Variants in KIZ observed in about 807,000 individuals in gnomAD.
KIZ encodes kizuna centrosomal protein.
A neutral mutation model predicts 79.6 loss-of-function variants in KIZ; 68 were observed. The ratio of observed to expected loss-of-function variants is 0.85; its 90% CI spans 0.70 to 1.05. The LOEUF is 1.05. Ranked by LOEUF, KIZ falls within the 50% of genes least tolerant of loss-of-function variation. The pLI is 0.00. For synonymous variants in KIZ, 280 were observed against 281.8 expected, an observed-to-expected ratio of 0.99 and a Z score of 0.06; for missense variants, 797 against 800.4, an observed-to-expected ratio of 1.00 and a Z score of 0.05.
chr20:21,170,493 A>G (rs896769562), intron 6 of KIZ, among the ~76,000 whole-genome samples: 3 of 150,004 alleles, frequency 2.0e-5, no homozygotes, highest in Non-Finnish European at 4.4e-5. Flanking sequence ...GGTTCACGCC[A>G]TTCTCCTGCC....
chr20:21,227,710 C>T (rs2036702065), intron 9 of KIZ, among the ~76,000 whole-genome samples: 1 of 152,104 alleles, frequency 6.6e-6, no homozygotes, highest in Non-Finnish European at 1.5e-5. Flanking sequence ...CCCATTGGAG[C>T]CATCCTAGGA....
intron 4 of KIZ, 73 bp from the exon 5 acceptor site, chr20:21,161,798 T>TG (rs2033670390): frequency 1.2e-5 from 12 of 985,846 alleles, no homozygotes; most frequent in South Asian, 1.7e-5. Context: ...CTTTCATTTC[T>TG]GGAAAAAAAA....
chr20:21,225,267 A>C lies in KIZ; in HGVS notation c.1679-3744A>C, dbSNP rs185599197. Among the ~76,000 whole-genome samples the C allele has an allele frequency of 2.0e-3, 302 of 152,356 alleles. 1 individual carries two copies. The highest frequency in any genetic ancestry group is 6.9e-3 in the African/African-American group (286 of 41,590). On this transcript the variant is annotated intron_variant, in intron 9 of 12. Coordinates refer to ENST00000619189, the MANE Select transcript of KIZ (RefSeq NM_018474.6). ...TAATCAATGCTTGAACGAAAGATTC[A>C]GAACCGAAACCTTGAGCATGCGTGT...
chr20:21,150,316 G>A (rs1162806212), intron 4 of KIZ, among the ~76,000 whole-genome samples: 1 of 152,198 alleles, frequency 6.6e-6, no homozygotes, highest in Non-Finnish European at 1.5e-5. Flanking sequence ...GGGTGGAGGA[G>A]GTAGAGGTTA....
At chr20:21,186,424 C>T (rs1373878468) in intron 6 of KIZ, among the ~76,000 whole-genome samples, 2 of 151,666 alleles carry the variant, frequency 1.3e-5, no homozygotes, top group South Asian at 2.1e-4. Flanking sequence ...TCTTCCGTTT[C>T]GAAAAGTCCA....
intron 11 of KIZ, among the ~76,000 whole-genome samples, chr20:21,243,456 G>A (rs535628987): frequency 7.5e-4 from 114 of 152,294 alleles, no homozygotes; most frequent in South Asian, 6.6e-3. Context: ...GTGGTGGTGC[G>A]TGGGGTAGGG....
intron 9 of KIZ, among the ~76,000 whole-genome samples, chr20:21,227,183 C>G (rs533479325): frequency 7.2e-5 from 11 of 152,244 alleles, no homozygotes; most frequent in Admixed American, 5.2e-4. Context: ...TTAATCCCCC[C>G]CAAATCTGAA....
chr20:21,133,508 G>A (rs2031980752), intron 2 of KIZ, among the ~76,000 whole-genome samples: 1 of 152,178 alleles, frequency 6.6e-6, no homozygotes, highest in Non-Finnish European at 1.5e-5. Flanking sequence ...GTGGTGGGAG[G>A]GGCAAGTGTG....
chr20:21,219,257 A>G (rs1319690488), intron 9 of KIZ, among the ~76,000 whole-genome samples: 3 of 152,252 alleles, frequency 2.0e-5, no homozygotes, highest in Non-Finnish European at 4.4e-5. Flanking sequence ...CATTTCAGCA[A>G]AACCAAGTTC....
intron 4 of KIZ, among the ~76,000 whole-genome samples, chr20:21,145,926 T>C (rs1404209844): frequency 6.6e-6 from 1 of 152,226 alleles, no homozygotes; most frequent in Non-Finnish European, 1.5e-5. Flanking sequence ...AATCATGCCT[T>C]GTAGCTGCTC....
At chr20:21,148,225 T>C (rs2032947781) in intron 4 of KIZ, among the ~76,000 whole-genome samples, 2 of 152,078 alleles carry the variant, frequency 1.3e-5, no homozygotes, top group African/African-American at 2.4e-5. Flanking sequence ...ATCAAATTGG[T>C]GATCATTCTG....
At chr20:21,186,765 G>T (rs901860313) in intron 6 of KIZ, among the ~76,000 whole-genome samples, 1 of 151,918 alleles carries the variant, frequency 6.6e-6, no homozygotes, top group South Asian at 2.1e-4. Context: ...GCTGTCCTAG[G>T]AGAGCCAGTT....
At chr20:21,164,703 A>T (rs2033847676) in intron 6 of KIZ, among the ~76,000 whole-genome samples, 1 of 122,228 alleles carries the variant, frequency 8.2e-6, no homozygotes, top group Non-Finnish European at 1.9e-5. Flanking sequence ...TCCTGTCTCC[A>T]TTCGAATGAC....
intron 3 of KIZ, among the ~76,000 whole-genome samples, chr20:21,140,758 C>T (rs545860652): frequency 1.3e-3 from 192 of 152,116 alleles, no homozygotes; most frequent in Non-Finnish European, 2.2e-3. Context: ...GTGGGAGGAT[C>T]ACTTGAGGCC....
At chr20:21,236,130 A>T (rs1218858828) in intron 11 of KIZ, among the ~76,000 whole-genome samples, 1 of 152,238 alleles carries the variant, frequency 6.6e-6, no homozygotes, top group Non-Finnish European at 1.5e-5. Flanking sequence ...CACAAAGCAA[A>T]TAAGAACAAT....
chr20:21,130,117 C>T (rs1189694823), intron 1 of KIZ, among the ~76,000 whole-genome samples: 1 of 152,060 alleles, frequency 6.6e-6, no homozygotes. Flanking sequence ...TTTTTTCCCC[C>T]TGGTCCAGTG....
chr20:21,168,659 A>T (rs1005095230), intron 6 of KIZ, among the ~76,000 whole-genome samples: 3 of 152,186 alleles, frequency 2.0e-5, no homozygotes, highest in Non-Finnish European at 4.4e-5. Flanking sequence ...AGCTGGAGGC[A>T]TCACGCTACC....
At chr20:21,166,647 T>C in intron 6 of KIZ, 3 of 805,344 alleles carry the variant, frequency 3.7e-6, no homozygotes, top group Admixed American at 2.3e-5. Context: ...TTGGAGAGAC[T>C]TGGTTTCTCC....
At chr20:21,237,656 T>C (rs993137245) in intron 11 of KIZ, among the ~76,000 whole-genome samples, 6 of 152,172 alleles carry the variant, frequency 3.9e-5, no homozygotes, top group African/African-American at 1.4e-4. Context: ...TTTTACCTGG[T>C]TAAGGCCTTC....
Sources: gnomAD v4.1 joint callset for allele counts (sites outside exome capture counted in the v4.1 genomes callset) on GRCh38, gnomAD v4.1.1 for gene constraint, MANE v1.5 for transcripts, NCBI Gene and HGNC (gene_info 2026-07-23, HGNC 2026-07-21) for gene names.